The following TENM4 variants were observed in gnomAD, a reference collection of about 807,000 sequenced individuals.
The protein encoded by TENM4 is teneurin transmembrane protein 4.
A neutral mutation model predicts 243.3 loss-of-function variants in TENM4; 82 were observed. The observed-to-expected ratio is 0.34, with a 90% confidence interval of 0.28 to 0.40. TENM4 has a LOEUF of 0.40. TENM4 is among the 10% of genes least tolerant of loss of function. The pLI is 1.00. For synonymous variants in TENM4, 1,412 were observed against 1,456.3 expected (o/e 0.97, Z 0.69); for missense variants, 3,138 against 3,673.3 (o/e 0.85, Z 3.77).
At chr11:78,761,698 AC>A (rs58391450) in intron 18 of TENM4, among the ~76,000 whole-genome samples, 127,819 of 151,790 alleles carry the variant, frequency 0.84, 54,396 homozygotes, top group African/African-American at 0.9. Context: ...CTCTTAGCAC[AC>A]CCCCCCAGCC....
At chr11:78,953,571 A>G (rs1857148957) in intron 6 of TENM4, among the ~76,000 whole-genome samples, 1 of 152,204 alleles carries the variant, frequency 6.6e-6, no homozygotes, top group Non-Finnish European at 1.5e-5. Context: ...CATGGACTCA[A>G]CCAATGGTTG....
Position 78,669,459 on chromosome 11 carries a change from G to A in TENM4, c.6886C>T (p.Leu2296=). The A allele has an allele frequency of 6.2e-7, 1 of 1,613,342 alleles. No homozygotes were observed. Among genetic ancestry groups the A allele is most frequent in the South Asian group, 1.1e-5 (1 of 91,000 alleles). The change falls in exon 32 of 34, where the codon CTG becomes TTG. Residue 2296 remains leucine, a synonymous_variant. Transcript: ENST00000278550. The surrounding 1 kb of genome is among the most constrained non-coding windows in gnomAD (Gnocchi z 6.4). ...SWSVRYRYDG[L]GRRVSSKSSH... is the part of the protein sequence containing the mutation. ...CTCTTGCTGGACACGCGCCGCCCCA[G>A]GCCATCGTAGCGGTACCTGACACTC...
At chr11:79,404,871 G>T (rs371678629) in intron 1 of TENM4, among the ~76,000 whole-genome samples, 1 of 152,052 alleles carries the variant, frequency 6.6e-6, no homozygotes, top group Non-Finnish European at 1.5e-5. Context: ...AAGACAGCGG[G>T]GGGTGGGGGA....
chr11:79,305,289 A>T (rs1263043709), intron 1 of TENM4, among the ~76,000 whole-genome samples: 1 of 152,232 alleles, frequency 6.6e-6, no homozygotes, highest in Non-Finnish European at 1.5e-5. Context: ...TTCAGAGCTG[A>T]TGTGAGAATT....
chr11:79,397,236 T>C (rs946517002), intron 1 of TENM4, among the ~76,000 whole-genome samples: 15 of 152,236 alleles, frequency 9.9e-5, no homozygotes, highest in African/African-American at 3.6e-4. Context: ...AGTGTTCTCA[T>C]TGATTTTTAT....
At chr11:78,931,663 T>C (rs1391154401) in intron 6 of TENM4, among the ~76,000 whole-genome samples, 3 of 152,226 alleles carry the variant, frequency 2.0e-5, no homozygotes, top group Admixed American at 2.0e-4. Flanking sequence ...TAAGTGGCTG[T>C]CCTAGGCTCA....
At chr11:79,024,177 T>A (rs1188826181) in intron 6 of TENM4, among the ~76,000 whole-genome samples, 2 of 152,176 alleles carry the variant, frequency 1.3e-5, no homozygotes, top group Non-Finnish European at 2.9e-5. Context: ...GTGGCCAGGG[T>A]ACCTGGCCCA....
At chr11:79,273,346 C>T (rs1208988679) in intron 2 of TENM4, among the ~76,000 whole-genome samples, 1 of 152,196 alleles carries the variant, frequency 6.6e-6, no homozygotes, top group Non-Finnish European at 1.5e-5. Context: ...ATTCTCCCCT[C>T]GTCTTTCTCC....
intron 2 of TENM4, among the ~76,000 whole-genome samples, chr11:79,270,785 T>C (rs948100327): frequency 1.3e-5 from 2 of 152,216 alleles, no homozygotes; most frequent in African/African-American, 4.8e-5. Context: ...CCTCTCTGTG[T>C]TTCCCTTGTA....
intron 6 of TENM4, among the ~76,000 whole-genome samples, chr11:79,023,180 T>C (rs1001565525): frequency 2.6e-5 from 4 of 152,208 alleles, no homozygotes; most frequent in Non-Finnish European, 4.4e-5. Flanking sequence ...TGATACCTGC[T>C]AGACCTTCCT....
intron 25 of TENM4, among the ~76,000 whole-genome samples, chr11:78,719,568 T>C (rs991154256): frequency 1.3e-5 from 2 of 152,226 alleles, no homozygotes; most frequent in Non-Finnish European, 2.9e-5. Context: ...GCCACTTTGA[T>C]CTGAGCTGCA....
At chr11:79,432,422 G>C (rs911323644) in intron 1 of TENM4, among the ~76,000 whole-genome samples, 8 of 152,218 alleles carry the variant, frequency 5.3e-5, no homozygotes, top group African/African-American at 1.4e-4. Flanking sequence ...TCATCCTGAG[G>C]TCAAAGCAGA....
chr11:79,092,930 T>G (rs1392332581), intron 4 of TENM4: 1 of 152,202 alleles, frequency 6.6e-6, no homozygotes, highest in Non-Finnish European at 1.5e-5. Context: ...ATCTGCAGTA[T>G]GAGGATTGTA....
At chr11:79,345,231 C>G (rs1330379902) in intron 1 of TENM4, among the ~76,000 whole-genome samples, 1 of 152,160 alleles carries the variant, frequency 6.6e-6, no homozygotes, top group African/African-American at 2.4e-5. Flanking sequence ...GGGTGGATTT[C>G]TTTCTGTTTT....
intron 1 of TENM4, among the ~76,000 whole-genome samples, chr11:79,340,404 C>T (rs530765464): frequency 2.1e-3 from 325 of 152,142 alleles, no homozygotes; most frequent in African/African-American, 6.7e-3. Flanking sequence ...TGTGACAGCC[C>T]CAGGGACCAC....
intron 22 of TENM4, among the ~76,000 whole-genome samples, chr11:78,728,282 T>A (rs1855570697): frequency 6.6e-6 from 1 of 152,192 alleles, no homozygotes; most frequent in African/African-American, 2.4e-5. Context: ...GCTGTGCATC[T>A]CACTGGGAAG....
intron 1 of TENM4, among the ~76,000 whole-genome samples, chr11:79,373,839 T>C (rs1590919675): frequency 6.6e-6 from 1 of 152,310 alleles, no homozygotes; most frequent in East Asian, 1.9e-4. Context: ...AGCCCCAAGA[T>C]ATCATTAAGT....
chr11:78,912,148 G>A (rs1207138263), intron 6 of TENM4, among the ~76,000 whole-genome samples: 3 of 152,178 alleles, frequency 2.0e-5, no homozygotes, highest in Admixed American at 2.0e-4. Flanking sequence ...AGAGACCTGG[G>A]CACATGGAAT....
At position 78,856,072 on chromosome 11, in the gene TENM4, A is replaced by C; in HGVS notation, c.1362T>G (p.Ser454=). Residue 454 remains serine (S), a synonymous_variant, in exon 11 of 34, where the codon TCT becomes TCG. Transcript: ENST00000278550. ...QKIPPGTFWR[S]QVFIDHPVHL... ...GCACAGGATGGTCTATGAACACTTGAGATCTCCAGAAAGTGCCAGGAGGAA... is the reference window on the plus strand; with the variant it reads ...GCACAGGATGGTCTATGAACACTTGCGATCTCCAGAAAGTGCCAGGAGGAA... 6.4e-7 allele frequency: 1 copy of C among 1,551,724 alleles called. No homozygotes were observed. Among genetic ancestry groups the C allele is most frequent in the South Asian group, 1.2e-5 (1 of 84,066 alleles).
Sources: gnomAD v4.1 joint callset for allele counts (sites outside exome capture counted in the v4.1 genomes callset) on GRCh38, gnomAD v4.1.1 for gene constraint, Gnocchi (gnomAD v3.1) non-coding constraint, MANE v1.5 for transcripts, NCBI Gene and HGNC (gene_info 2026-07-23, HGNC 2026-07-21) for gene names.